TACR3: variants seen among roughly 807,000 people sequenced by gnomAD.
TACR3 encodes tachykinin receptor 3.
TACR3 carries 34 observed loss-of-function variants against 35.0 expected under a neutral mutation model. That is an observed-to-expected ratio of 0.97 (90% CI 0.74 to 1.30). The LOEUF is 1.30. Ranked by LOEUF, TACR3 falls within the 50% of genes most tolerant of loss-of-function variation. The pLI, the probability that TACR3 is intolerant of heterozygous loss-of-function variation, is 0.00. For missense variants in TACR3, 558 were observed against 591.7 expected (o/e 0.94, Z 0.59); for synonymous variants, 233 against 221.1 (o/e 1.05, Z -0.48).
rs535469812 is a variant in TACR3, at chr4:103,709,678, G to A, written c.548+9450C>T. On this transcript the variant is annotated intron_variant, in intron 1 of 4. Transcript: ENST00000304883. ...ACAATATTAACCTTAAATGTAAATA[G>A]GCTAAATGCTCCAATTAAAAGACAC... is the stretch of plus-strand genomic sequence containing the variant. Among the ~76,000 whole-genome samples, 9 of 152,196 alleles carry A rather than the reference G, an allele frequency of 5.9e-5. No individual in the cohort carries two copies. The East Asian group carries it at 1.4e-3, about 23-fold the overall frequency.
chr4:103,670,582 A>G (rs182964282), intron 1 of TACR3, among the ~76,000 whole-genome samples: 1 of 152,076 alleles, frequency 6.6e-6, no homozygotes, highest in Non-Finnish European at 1.5e-5. Context: ...GCTATTATAA[A>G]TGGGATTGCT....
At chr4:103,604,150 C>G (rs964512952) in intron 3 of TACR3, among the ~76,000 whole-genome samples, 1 of 152,204 alleles carries the variant, frequency 6.6e-6, no homozygotes, top group African/African-American at 2.4e-5. Context: ...TACTGCAAGG[C>G]TATAGTAACC....
At chr4:103,702,472 C>T (rs1722675893) in intron 1 of TACR3, among the ~76,000 whole-genome samples, 1 of 152,168 alleles carries the variant, frequency 6.6e-6, no homozygotes, top group Non-Finnish European at 1.5e-5. Context: ...ACTAGTTCAA[C>T]CATTGTGGAA....
At chr4:103,665,320 AG>A (rs1238539394) in intron 1 of TACR3, among the ~76,000 whole-genome samples, 6 of 140,422 alleles carry the variant, frequency 4.3e-5, no homozygotes. Flanking sequence ...TACATATAAT[AG>A]GATATTATCT....
chr4:103,649,051 CT>C, intron 3 of TACR3, among the ~76,000 whole-genome samples: 1 of 151,970 alleles, frequency 6.6e-6, no homozygotes, highest in African/African-American at 2.4e-5. Flanking sequence ...TGTTGAGCAT[CT>C]TTTTTATGCT....
chr4:103,596,011 T>C (rs1347768582), intron 3 of TACR3, among the ~76,000 whole-genome samples: 1 of 151,072 alleles, frequency 6.6e-6, no homozygotes, highest in African/African-American at 2.4e-5. Context: ...TTTGGTTTTT[T>C]GTTCTTGTGA....
At chr4:103,701,657 A>G (rs922159860) in intron 1 of TACR3, among the ~76,000 whole-genome samples, 3 of 152,210 alleles carry the variant, frequency 2.0e-5, no homozygotes, top group African/African-American at 7.2e-5. Flanking sequence ...CTATACTACA[A>G]GGCTACAGTA....
At chr4:103,598,209 G>A (rs558362584) in intron 3 of TACR3, among the ~76,000 whole-genome samples, 23 of 152,242 alleles carry the variant, frequency 1.5e-4, no homozygotes, top group South Asian at 6.2e-4. Context: ...GCCAGTGATG[G>A]TGAGCATTTT....
At chr4:103,702,523 C>G (rs1290952134) in intron 1 of TACR3, among the ~76,000 whole-genome samples, 1 of 152,074 alleles carries the variant, frequency 6.6e-6, no homozygotes, top group Non-Finnish European at 1.5e-5. Flanking sequence ...ACTAGAAATA[C>G]CATTTGACTC....
At chr4:103,679,913 A>G (rs751309372) in intron 1 of TACR3, among the ~76,000 whole-genome samples, 1 of 151,878 alleles carries the variant, frequency 6.6e-6, no homozygotes, top group Non-Finnish European at 1.5e-5. Context: ...AAGCTCTATT[A>G]TATATATATT....
At chr4:103,635,478 C>T (rs886912205) in intron 3 of TACR3, among the ~76,000 whole-genome samples, 1 of 151,952 alleles carries the variant, frequency 6.6e-6, no homozygotes, top group Non-Finnish European at 1.5e-5. Flanking sequence ...AACTCAGAGC[C>T]TAATCATGAA....
chr4:103,703,017 G>T lies in TACR3; in HGVS notation c.548+16111C>A, dbSNP rs139172061. Among the ~76,000 whole-genome samples the T allele has an allele frequency of 1.4e-4, 21 of 151,668 alleles. 1 individual carries two copies. In the East Asian group the frequency reaches 4.1e-3, roughly 29 times the overall value. Reference sequence around the variant, plus strand: ...GTATACATATGTAACAAACCTGCGCGTTGTGCACATGTACCCTAAAAGTTA... The same window carrying T: ...GTATACATATGTAACAAACCTGCGCTTTGTGCACATGTACCCTAAAAGTTA... On this transcript the variant is annotated intron_variant, in intron 1 of 4. Transcript: ENST00000304883.
At chr4:103,669,444 A>G (rs1280209964) in intron 1 of TACR3, among the ~76,000 whole-genome samples, 1 of 152,138 alleles carries the variant, frequency 6.6e-6, no homozygotes, top group Non-Finnish European at 1.5e-5. Context: ...TAGCAGCTGT[A>G]CTAATTTACA....
chr4:103,643,525 A>C (rs1457980824), intron 3 of TACR3, among the ~76,000 whole-genome samples: 1 of 151,712 alleles, frequency 6.6e-6, no homozygotes, highest in Non-Finnish European at 1.5e-5. Flanking sequence ...GTTGTTTTGC[A>C]TTCTGTAGGA....
intron 3 of TACR3, among the ~76,000 whole-genome samples, chr4:103,635,169 T>C (rs1725159323): frequency 6.6e-6 from 1 of 152,004 alleles, no homozygotes; most frequent in South Asian, 2.1e-4. Flanking sequence ...CATGACATTG[T>C]ACTATAAGTA....
At chr4:103,709,049 C>T (rs150936496) in intron 1 of TACR3, among the ~76,000 whole-genome samples, 4,185 of 152,206 alleles carry the variant, frequency 0.027, 213 homozygotes, top group African/African-American at 0.096. Context: ...CTGCAAGTGA[C>T]GGGGAGAATG....
At chr4:103,634,386 G>A (rs1345093084) in intron 3 of TACR3, among the ~76,000 whole-genome samples, 1 of 152,002 alleles carries the variant, frequency 6.6e-6, no homozygotes, top group Non-Finnish European at 1.5e-5. Context: ...AGATTGGGAG[G>A]AAGAAACATA....
intron 3 of TACR3, among the ~76,000 whole-genome samples, chr4:103,635,032 C>T (rs1725149922): frequency 6.6e-6 from 1 of 151,934 alleles, no homozygotes; most frequent in African/African-American, 2.4e-5. Flanking sequence ...TTTCAGTCTC[C>T]ATATAGCTTG....
chr4:103,639,121 C>T (rs974302031), intron 3 of TACR3, among the ~76,000 whole-genome samples: 2 of 152,062 alleles, frequency 1.3e-5, no homozygotes, highest in Non-Finnish European at 2.9e-5. Context: ...AATCATGCTG[C>T]TATAAAGACA....
Sources: allele counts gnomAD v4.1 joint callset (sites outside exome capture counted in the v4.1 genomes callset), GRCh38; gene constraint gnomAD v4.1.1; transcripts MANE v1.5; gene names NCBI Gene and HGNC (gene_info 2026-07-23, HGNC 2026-07-21).